RBFOX1: variants seen among roughly 807,000 people sequenced by gnomAD.
RBFOX1 encodes the protein RNA binding protein fox-1 homolog 1.
RBFOX1 carries 8 observed loss-of-function variants against 57.7 expected under a neutral mutation model. The observed-to-expected ratio is 0.14, with a 90% CI of 0.08 to 0.25. The LOEUF (loss-of-function observed/expected upper bound fraction) is 0.25. Ranked by LOEUF, RBFOX1 falls within the 10% of genes least tolerant of loss-of-function variation. The pLI is 1.00. For synonymous variants in RBFOX1, 326 were observed against 222.4 expected, an observed-to-expected ratio of 1.47 and a Z score of -4.15; for missense variants, 611 against 548.5, an observed-to-expected ratio of 1.11 and a Z score of -1.14.
At chr16:6,710,101 C>G (rs1382988058) in intron 3 of RBFOX1, among the ~76,000 whole-genome samples, 2 of 151,986 alleles carry the variant, frequency 1.3e-5, no homozygotes, top group Non-Finnish European at 1.5e-5. Context: ...GGGGAGGGAA[C>G]CACAGCAAAA....
intron 2 of RBFOX1, among the ~76,000 whole-genome samples, chr16:6,536,539 C>T (rs1297566481): frequency 4.8e-5 from 7 of 145,258 alleles, no homozygotes; most frequent in Admixed American, 4.3e-4. Flanking sequence ...CACAAAAGGA[C>T]GATGGGGGGC....
At chr16:5,356,159 A>G (rs1246995628) in intron 1 of RBFOX1, among the ~76,000 whole-genome samples, 5 of 152,164 alleles carry the variant, frequency 3.3e-5, no homozygotes, top group African/African-American at 1.2e-4. Flanking sequence ...AGGTGGATGC[A>G]GAGACTGGAG....
At chr16:5,907,955 T>A (rs1199730350) in intron 4 of RBFOX1, among the ~76,000 whole-genome samples, 1 of 151,798 alleles carries the variant, frequency 6.6e-6, no homozygotes. Context: ...TTCACTATGT[T>A]GGCCAGGCTG....
At chr16:6,116,749 T>C (rs1044061893) in intron 1 of RBFOX1, among the ~76,000 whole-genome samples, 3 of 152,256 alleles carry the variant, frequency 2.0e-5, no homozygotes, top group Non-Finnish European at 2.9e-5. Flanking sequence ...CCTCAGCTGA[T>C]AGGGGAGAAA....
At chr16:5,388,075 C>T (rs2066303760) in intron 1 of RBFOX1, among the ~76,000 whole-genome samples, 2 of 152,146 alleles carry the variant, frequency 1.3e-5, no homozygotes, top group African/African-American at 4.8e-5. Context: ...GGAACACAAC[C>T]CTCCTGACAC....
At chr16:7,103,550 A>G (rs983333354) in intron 4 of RBFOX1, among the ~76,000 whole-genome samples, 1 of 151,950 alleles carries the variant, frequency 6.6e-6, no homozygotes, top group African/African-American at 2.4e-5. Context: ...TGTGTATCAA[A>G]TGTATAGATA....
intron 1 of RBFOX1, among the ~76,000 whole-genome samples, chr16:6,021,722 G>A (rs958685677): frequency 6.6e-6 from 1 of 152,156 alleles, no homozygotes; most frequent in Non-Finnish European, 1.5e-5. Context: ...AAGAGCACAG[G>A]GCTTCTGGAT....
At chr16:7,204,826 C>G (rs2089575498) in intron 4 of RBFOX1, among the ~76,000 whole-genome samples, 1 of 152,172 alleles carries the variant, frequency 6.6e-6, no homozygotes, top group Admixed American at 6.5e-5. Flanking sequence ...TCCTCATTTT[C>G]CCCTCCGCAC....
intron 4 of RBFOX1, among the ~76,000 whole-genome samples, chr16:7,097,365 G>C (rs149077220): frequency 1.3e-5 from 2 of 152,050 alleles, no homozygotes; most frequent in African/African-American, 2.4e-5. Context: ...ATCAGAGCCT[G>C]GTAGATTAGA....
chr16:6,339,295 C>G (rs1332904127), intron 2 of RBFOX1, among the ~76,000 whole-genome samples: 1 of 152,150 alleles, frequency 6.6e-6, no homozygotes, highest in African/African-American at 2.4e-5. Context: ...AGTCAATCAT[C>G]TTGAACTTGA....
intron 2 of RBFOX1, chr16:6,577,432 C>T (rs2097456804): frequency 1.3e-5 from 2 of 152,172 alleles, no homozygotes; most frequent in South Asian, 4.2e-4. Flanking sequence ...TATGTGCTGT[C>T]TCCTTTCATT....
At chr16:7,440,599 C>G (rs753256803) in intron 4 of RBFOX1, among the ~76,000 whole-genome samples, 4 of 152,142 alleles carry the variant, frequency 2.6e-5, no homozygotes, top group Admixed American at 2.0e-4. Context: ...TACTTTTAAT[C>G]TGGAGAGTTG....
chr16:6,668,400 A>G (rs1454165008), intron 3 of RBFOX1, among the ~76,000 whole-genome samples: 1 of 152,222 alleles, frequency 6.6e-6, no homozygotes, highest in Non-Finnish European at 1.5e-5. Flanking sequence ...GGAGTAATAC[A>G]AAGCCACGTG....
In RBFOX1 at chr16:6,061,120, C is replaced by G. The variant is rs111979018; in HGVS notation, c.-127+41128C>G. Among the ~76,000 whole-genome samples the G allele has an allele frequency of 2.0e-3, 310 of 152,252 alleles. 1 individual carries two copies. The highest frequency in any genetic ancestry group is 7.1e-3 in the African/African-American group (293 of 41,556). On this transcript the variant is annotated intron_variant, in intron 1 of 15. Transcript: ENST00000550418. ...GGCCCAGGTCTTTTCAGAAGTCACC[C>G]CTAGTCCAATCTGCTGGACCAGAGG...
At chr16:6,293,156 T>C (rs2077649757) in intron 1 of RBFOX1, among the ~76,000 whole-genome samples, 1 of 152,206 alleles carries the variant, frequency 6.6e-6, no homozygotes, top group Non-Finnish European at 1.5e-5. Context: ...ATTTTCATAG[T>C]ACCCTATTAA....
At chr16:5,464,944 G>A (rs1481031886) in intron 1 of RBFOX1, among the ~76,000 whole-genome samples, 1 of 152,178 alleles carries the variant, frequency 6.6e-6, no homozygotes, top group Non-Finnish European at 1.5e-5. Context: ...TCCTTTAGGA[G>A]CTTGAGGGCA....
chr16:5,360,158 C>T (rs1268748911), intron 1 of RBFOX1, among the ~76,000 whole-genome samples: 1 of 152,188 alleles, frequency 6.6e-6, no homozygotes, highest in Non-Finnish European at 1.5e-5. Flanking sequence ...CCTGATCATC[C>T]CACATCTGCA....
chr16:6,726,836 G>C (rs2067299629), intron 3 of RBFOX1, among the ~76,000 whole-genome samples: 1 of 152,068 alleles, frequency 6.6e-6, no homozygotes. Flanking sequence ...GGAACACCAA[G>C]TTCTCTCTGT....
intron 4 of RBFOX1, among the ~76,000 whole-genome samples, chr16:7,320,935 C>G (rs1463239225): frequency 2.0e-5 from 3 of 152,040 alleles, no homozygotes; most frequent in Non-Finnish European, 2.9e-5. Flanking sequence ...TTTTCAGAGC[C>G]CAAATTTGGA....
Sources: gnomAD v4.1 joint callset for allele counts (sites outside exome capture counted in the v4.1 genomes callset) on GRCh38, gnomAD v4.1.1 for gene constraint, MANE v1.5 for transcripts, NCBI Gene and HGNC (gene_info 2026-07-23, HGNC 2026-07-21) for gene names.